Variants in FOCAD observed in about 807,000 individuals in gnomAD.
FOCAD encodes KIAA1797.
FOCAD carries 198 observed loss-of-function variants against 225.6 expected under a neutral mutation model. That is an observed-to-expected ratio of 0.88 (90% CI 0.78 to 0.99). FOCAD has a LOEUF of 0.99. Ranked by LOEUF, FOCAD falls within the 50% of genes least tolerant of loss-of-function variation. The pLI is 0.00. For synonymous variants in FOCAD, 897 were observed against 755.0 expected (o/e 1.19, Z -3.08); for missense variants, 2,713 against 2,123.6 (o/e 1.28, Z -5.46).
chr9:20,718,616 T>C (rs1484908648), intron 3 of FOCAD, among the ~76,000 whole-genome samples: 2 of 152,254 alleles, frequency 1.3e-5, no homozygotes, highest in East Asian at 3.8e-4. Flanking sequence ...GAAGTAAGTG[T>C]AGGACACACT....
rs575712299 is a variant in FOCAD, at chr9:20,966,187, G to A, written c.4133-10233G>A. The stretch of plus-strand genomic sequence containing the variant: ...AGGGTTCCAATTTCTCCACGTTCTC[G>A]CCAACACTTATTTTCCATTATTATT... On this transcript the variant is annotated intron_variant, in intron 35 of 43. Transcript: ENST00000338382. 1.1e-4 allele frequency among the ~76,000 whole-genome samples: 17 copies of A among 152,000 alleles called. 1 individual carries two copies. Among genetic ancestry groups the A allele is most frequent in the African/African-American group, 4.1e-4 (17 of 41,430 alleles).
chr9:20,933,115 C>T lies in FOCAD; in HGVS notation c.3407+12C>T. 1 of 1,593,494 alleles carries T rather than the reference C, an allele frequency of 6.3e-7. No homozygotes were observed. The highest frequency in any genetic ancestry group is 8.6e-7 in the Non-Finnish European group (1 of 1,161,516). On this transcript the variant is annotated intron_variant, in intron 28 of 43. Coordinates refer to ENST00000338382, the MANE Select transcript of FOCAD (RefSeq NM_001375567.1). ...AGTCTTGAATACAAGTATGTTGTTC[C>T]TATTTCCACTCTCACAGGTACTTAG...
intron 5 of FOCAD, among the ~76,000 whole-genome samples, chr9:20,753,192 C>T (rs1409082809): frequency 1.3e-5 from 2 of 151,970 alleles, no homozygotes; most frequent in South Asian, 4.1e-4. Context: ...ACTTCCAACA[C>T]TATGTTGAAT....
chr9:20,948,261 T>A lies in FOCAD; in HGVS notation c.3676-10T>A, dbSNP rs1220217300. On this transcript the variant is annotated splice_polypyrimidine_tract_variant and intron_variant, in intron 30 of 43. Coordinates refer to ENST00000338382, the MANE Select transcript of FOCAD (RefSeq NM_001375567.1). ...CTTTTTCTTACCCCATTTTTATTTA[T>A]TTATATCAGACTTCAGGTTTTGCCC... 6.3e-6 allele frequency: 10 copies of A among 1,594,474 alleles called. No homozygotes were observed. Among genetic ancestry groups the A allele is most frequent in the African/African-American group, 1.4e-5 (1 of 73,738 alleles).
At chr9:20,769,244 G>A (rs1349444442) in intron 7 of FOCAD, among the ~76,000 whole-genome samples, 1 of 151,956 alleles carries the variant, frequency 6.6e-6, no homozygotes, top group Non-Finnish European at 1.5e-5. Context: ...ATAGTCATTT[G>A]GGTTATTATG....
intron 20 of FOCAD, 114 bp downstream of exon 20, chr9:20,882,170 TG>T: frequency 1.2e-6 from 1 of 862,710 alleles, no homozygotes; most frequent in Non-Finnish European, 1.8e-6. Context: ...TACTAACATG[TG>T]GATAAATTAT....
intron 5 of FOCAD, among the ~76,000 whole-genome samples, chr9:20,744,599 G>A (rs1324991385): frequency 6.6e-6 from 1 of 152,156 alleles, no homozygotes; most frequent in Non-Finnish European, 1.5e-5. Context: ...AGCCCTCTTA[G>A]GAGCTTTAAA....
chr9:20,658,057 C>T (rs1316794412), upstream of FOCAD, among the ~76,000 whole-genome samples: 6 of 146,950 alleles, frequency 4.1e-5, no homozygotes, highest in Non-Finnish European at 3.0e-5. Context: ...TCAGTGTGCC[C>T]CTGCTGGGGG....
chr9:20,888,906 C>T (rs188649879), intron 21 of FOCAD, among the ~76,000 whole-genome samples: 1 of 152,256 alleles, frequency 6.6e-6, no homozygotes, highest in Admixed American at 6.5e-5. Context: ...GCTTATTAAA[C>T]CTGTTTCTTG....
At chr9:20,949,455 A>C in intron 32 of FOCAD, 149 bp from the exon 33 acceptor site, 1 of 617,774 alleles carries the variant, frequency 1.6e-6, no homozygotes, top group Non-Finnish European at 2.9e-6. Flanking sequence ...CCTGCCTTTG[A>C]GGAGTTCATA....
chr9:20,884,761 C>T (rs1011275436), intron 20 of FOCAD, among the ~76,000 whole-genome samples: 3 of 151,704 alleles, frequency 2.0e-5, no homozygotes, highest in African/African-American at 7.3e-5. Flanking sequence ...AAAGTTTTTC[C>T]ATAAGAAATG....
chr9:20,748,737 T>C (rs1828284447), intron 5 of FOCAD, among the ~76,000 whole-genome samples: 1 of 152,128 alleles, frequency 6.6e-6, no homozygotes, highest in Admixed American at 6.6e-5. Flanking sequence ...CTGTTTTTAT[T>C]TCCTCTTTTC....
chr9:20,833,528 G>A (rs940607152), intron 15 of FOCAD, among the ~76,000 whole-genome samples: 2 of 152,020 alleles, frequency 1.3e-5, no homozygotes, highest in Non-Finnish European at 2.9e-5. Flanking sequence ...TCACATGGCA[G>A]CGACCACTTG....
At chr9:20,751,285 T>C (rs1334091215) in intron 5 of FOCAD, among the ~76,000 whole-genome samples, 8 of 146,340 alleles carry the variant, frequency 5.5e-5, no homozygotes, top group African/African-American at 7.6e-5. Flanking sequence ...GCATTAGGTA[T>C]ATCTCCCAGT....
intron 10 of FOCAD, among the ~76,000 whole-genome samples, chr9:20,783,658 A>G (rs1247431856): frequency 6.6e-6 from 1 of 151,716 alleles, no homozygotes; most frequent in Non-Finnish European, 1.5e-5. Context: ...TTGGCTATTA[A>G]ATGTGATATT....
chr9:20,870,795 G>A lies in FOCAD; in HGVS notation c.2190+3783G>A, dbSNP rs560838730. ...TAAGCTATGATGTTTGATAGGTTAAGTGTGTTAAATGTATTTTTGTCTTCT... is the reference window on the plus strand; with the variant it reads ...TAAGCTATGATGTTTGATAGGTTAAATGTGTTAAATGTATTTTTGTCTTCT... On this transcript the variant is annotated intron_variant, in intron 18 of 43. Transcript: ENST00000338382. 7.2e-5 allele frequency among the ~76,000 whole-genome samples: 11 copies of A among 152,330 alleles called. No individual in the cohort carries two copies. In the South Asian group the frequency reaches 2.3e-3, roughly 32 times the overall value.
rs775017286 is a variant in FOCAD, at chr9:20,990,220, C to T, written c.5102C>T (p.Pro1701Leu). The change falls in exon 42 of 44, where the codon CCA (proline) becomes CTA (leucine). Residue 1701 changes from proline to leucine, a missense_variant. Pro to Leu is a moderately conservative substitution (Grantham distance 98). Coordinates refer to ENST00000338382, the MANE Select transcript of FOCAD (RefSeq NM_001375567.1). ...CTCGGCCTCAGTGCCAGTTGGTTGCCATGGCATCAGGAGAATGGCCCGGCT... is the reference window on the plus strand; with the variant it reads ...CTCGGCCTCAGTGCCAGTTGGTTGCTATGGCATCAGGAGAATGGCCCGGCT... ...LLLGLSASWL[P>L]WHQENGPAGP... is the part of the protein sequence containing the mutation. The T allele has an allele frequency of 6.2e-7, 1 of 1,614,184 alleles. No homozygotes were observed. The highest frequency in any genetic ancestry group is 1.7e-5 in the Admixed American group (1 of 60,034).
chr9:20,979,746 G>C (rs566736891), intron 37 of FOCAD, among the ~76,000 whole-genome samples: 1 of 152,220 alleles, frequency 6.6e-6, no homozygotes, highest in South Asian at 2.1e-4. Context: ...CATTCCACCT[G>C]TCTGCTCCAA....
At chr9:20,967,553 ACTGGGAATC>A (rs1422204198) in intron 35 of FOCAD, among the ~76,000 whole-genome samples, 1 of 152,068 alleles carries the variant, frequency 6.6e-6, no homozygotes, top group Non-Finnish European at 1.5e-5. Context: ...AAGTGGTGAA[ACTGGGAATC>A]CTGTCTTGTT....
Sources: gnomAD v4.1 joint callset for allele counts (sites outside exome capture counted in the v4.1 genomes callset) on GRCh38, gnomAD v4.1.1 for gene constraint, MANE v1.5 for transcripts, NCBI Gene and HGNC (gene_info 2026-07-23, HGNC 2026-07-21) for gene names.